Variants in PDE1A observed in about 807,000 individuals in gnomAD.
PDE1A encodes the protein phosphodiesterase 1A, also known as dual specificity calcium/calmodulin-dependent 3',5'-cyclic nucleotide phosphodiesterase 1A.
PDE1A carries 35 observed loss-of-function variants against 61.7 expected under a neutral mutation model. The ratio of observed to expected loss-of-function variants is 0.57; its 90% CI spans 0.43 to 0.75. The LOEUF is 0.75. Among genes scored for constraint, PDE1A ranks in the 30% least tolerant of loss-of-function variants. The pLI is 0.00. For synonymous variants in PDE1A, 232 were observed against 213.2 expected, an observed-to-expected ratio of 1.09 and a Z score of -0.77; for missense variants, 597 against 630.6, an observed-to-expected ratio of 0.95 and a Z score of 0.57.
the PDE1A span, among the ~76,000 whole-genome samples, chr2:182,600,442 G>GA: frequency 1.1e-4 from 17 of 151,978 alleles, 1 homozygote; most frequent in African/African-American, 3.1e-4. Context: ...TTGTGTAGCT[G>GA]AAAAAAAATA....
At chr2:182,336,976 T>TAAAAA (rs10679939) in intron 1 of PDE1A, among the ~76,000 whole-genome samples, 109 of 148,668 alleles carry the variant, frequency 7.3e-4, no homozygotes, top group African/African-American at 2.7e-3. Context: ...TTTTTTTTTT[T>TAAAAA]AAATAAAGAA....
At chr2:182,170,391 A>G (rs1027386247) in intron 13 of PDE1A, among the ~76,000 whole-genome samples, 8 of 152,114 alleles carry the variant, frequency 5.3e-5, no homozygotes, top group African/African-American at 1.7e-4. Context: ...GTGAGATATA[A>G]CTAATCTTAT....
At chr2:182,215,590 A>C (rs1303760010) in intron 7 of PDE1A, among the ~76,000 whole-genome samples, 1 of 144,536 alleles carries the variant, frequency 6.9e-6, no homozygotes, top group African/African-American at 2.6e-5. Context: ...GGATATCACC[A>C]CCGATTCCAA....
At chr2:182,502,548 C>A (rs1689146308) in intron 2 of PDE1A, among the ~76,000 whole-genome samples, 1 of 152,134 alleles carries the variant, frequency 6.6e-6, no homozygotes, top group South Asian at 2.1e-4. Context: ...GCCCTGACCC[C>A]CTATCTGTCC....
chr2:182,534,125 A>T, the PDE1A span, among the ~76,000 whole-genome samples: 1 of 152,176 alleles, frequency 6.6e-6, no homozygotes, highest in East Asian at 1.9e-4. Context: ...GAGGCATATA[A>T]AAGTATATAC....
the PDE1A span, among the ~76,000 whole-genome samples, chr2:182,636,624 C>T: frequency 6.6e-6 from 1 of 152,176 alleles, no homozygotes; most frequent in Non-Finnish European, 1.5e-5. Context: ...ATCAGCAAAG[C>T]GAACTTTCTC....
chr2:182,318,808 A>G (rs1574338105), intron 1 of PDE1A, among the ~76,000 whole-genome samples: 1 of 152,154 alleles, frequency 6.6e-6, no homozygotes, highest in Non-Finnish European at 1.5e-5. Flanking sequence ...CTCAGCTGCA[A>G]TCTATATGAT....
chr2:182,279,751 C>T (rs1216339787), intron 1 of PDE1A, among the ~76,000 whole-genome samples: 1 of 151,842 alleles, frequency 6.6e-6, no homozygotes, highest in Non-Finnish European at 1.5e-5. Context: ...CTCTTTCTCT[C>T]TACCTATCTC....
intron 1 of PDE1A, among the ~76,000 whole-genome samples, chr2:182,411,404 T>C (rs1384195074): frequency 6.6e-6 from 1 of 152,232 alleles, no homozygotes; most frequent in East Asian, 1.9e-4. Context: ...TATTCTACTG[T>C]TGATGAACAT....
chr2:182,245,691 T>A (rs11681840), intron 2 of PDE1A, among the ~76,000 whole-genome samples: 28,246 of 149,254 alleles, frequency 0.19, 2,792 homozygotes, highest in East Asian at 0.34. Flanking sequence ...TGATAGCTAA[T>A]TTCTTTATAT....
At chr2:182,354,112 G>C (rs1175751424) in intron 1 of PDE1A, among the ~76,000 whole-genome samples, 1 of 152,050 alleles carries the variant, frequency 6.6e-6, no homozygotes, top group East Asian at 1.9e-4. Context: ...AGAACCCCCT[G>C]CCAATCTTCA....
At chr2:182,471,032 C>A (rs1369062733) in intron 2 of PDE1A, among the ~76,000 whole-genome samples, 1 of 151,468 alleles carries the variant, frequency 6.6e-6, no homozygotes, top group African/African-American at 2.4e-5. Context: ...TCTAAAAAAC[C>A]GAGAGTAGGC....
At chr2:182,655,092 G>A in the PDE1A span, among the ~76,000 whole-genome samples, 2 of 152,202 alleles carry the variant, frequency 1.3e-5, no homozygotes, top group African/African-American at 4.8e-5. Flanking sequence ...AAAGAGGATA[G>A]TAACTACAGA....
chr2:182,521,766 G>A (rs1180690874), intron 2 of PDE1A, among the ~76,000 whole-genome samples: 5 of 152,058 alleles, frequency 3.3e-5, no homozygotes, highest in African/African-American at 1.2e-4. Context: ...TTGATATGCT[G>A]TTAATATTTT....
rs148052266 is a variant in PDE1A at position 182,191,857 on chromosome 2, T to A, written c.1126-2797A>T. ...TGATGATTTACTTTCTTTTTTTTTT[T>A]ATTTTTTTATTTTTTTTGAGACAGT... On this transcript the variant is annotated intron_variant, in intron 10 of 13. Coordinates refer to ENST00000351439, the Ensembl canonical transcript of PDE1A. Among the ~76,000 whole-genome samples, 606 of 151,288 alleles carry A rather than the reference T, an allele frequency of 4.0e-3. 7 individuals carry two copies. Among genetic ancestry groups the A allele is most frequent in the Middle Eastern group, 0.017 (5 of 294 alleles).
At chr2:182,156,694 C>T (rs909532498) in intron 13 of PDE1A, among the ~76,000 whole-genome samples, 4 of 152,134 alleles carry the variant, frequency 2.6e-5, no homozygotes, top group African/African-American at 9.7e-5. Flanking sequence ...ATAAGATTAT[C>T]TTTTTACTAC....
chr2:182,262,955 A>ATGTGTG (rs60469609), intron 2 of PDE1A, among the ~76,000 whole-genome samples: 3,247 of 147,188 alleles, frequency 0.022, 50 homozygotes, highest in African/African-American at 0.049. Context: ...TTATTAAACA[A>ATGTGTG]TGTGTGTGTG....
chr2:182,639,602 T>C, the PDE1A span, among the ~76,000 whole-genome samples: 1 of 151,328 alleles, frequency 6.6e-6, no homozygotes, highest in East Asian at 1.9e-4. Flanking sequence ...ATCATCTAAA[T>C]GAAAATAAAA....
the PDE1A span, among the ~76,000 whole-genome samples, chr2:182,540,374 A>AC: frequency 7.5e-6 from 1 of 134,036 alleles, no homozygotes; most frequent in African/African-American, 2.6e-5. Flanking sequence ...AAGAAAAAAA[A>AC]AAAAAAAAAA....
Sources: gnomAD v4.1 joint callset for allele counts (sites outside exome capture counted in the v4.1 genomes callset) on GRCh38, gnomAD v4.1.1 for gene constraint, MANE v1.5 for transcripts, NCBI Gene and HGNC (gene_info 2026-07-23, HGNC 2026-07-21) for gene names.